The following RFTN1 variants were observed in gnomAD, a reference collection of about 807,000 sequenced individuals.
The protein encoded by RFTN1 is raftlin, lipid raft linker 1, also known as raftlin.
A neutral mutation model predicts 46.5 loss-of-function variants in RFTN1; 26 were observed. That is an observed-to-expected ratio of 0.56 (90% CI 0.41 to 0.78). RFTN1 has a LOEUF of 0.78. RFTN1 is among the 30% of genes least tolerant of loss of function. The pLI is 0.00. For missense variants in RFTN1, 693 were observed against 718.7 expected, an observed-to-expected ratio of 0.96 and a Z score of 0.41; for synonymous variants, 261 against 284.2, an observed-to-expected ratio of 0.92 and a Z score of 0.82.
chr3:16,368,087 C>CTGT (rs1278128309), intron 6 of RFTN1, among the ~76,000 whole-genome samples: 1 of 152,050 alleles, frequency 6.6e-6, no homozygotes, highest in African/African-American at 2.4e-5. Context: ...AAAGGAGCCA[C>CTGT]TGTTGCCACA....
At position 16,433,895 on chromosome 3, in the gene RFTN1, G is replaced by A. The variant is rs1575284267; in HGVS notation, c.288C>T (p.Pro96=). 6.2e-7 allele frequency: 1 copy of A among 1,614,168 alleles called. No homozygotes were observed. Among genetic ancestry groups the A allele is most frequent in the African/African-American group, 1.3e-5 (1 of 75,040 alleles). ...GGATGGCTCTAAAGATGTGCTCCAG[G>A]GGCGTCTTCTCCCGCTCATGGGTGG... is the stretch of plus-strand genomic sequence containing the variant. ...VQPTHEREKT[P]LEHIFRAILI... The change falls in exon 3 of 10, where the codon CCC becomes CCT. Residue 96 remains proline, a synonymous_variant. Coordinates refer to ENST00000334133, the MANE Select transcript of RFTN1 (RefSeq NM_015150.2). This position sits in a 1 kb window ranked among gnomAD's most constrained non-coding sequence, Gnocchi z 4.4.
At position 16,484,886 on chromosome 3, in the gene RFTN1, C is replaced by G. The variant is rs1373114380; in HGVS notation, c.145+8839G>C. Reference sequence around the variant, plus strand: ...TTATTCTTCTATACCGTGGGGGTGACTCCACCTACCTCATAAGATTGTTGT... The same window carrying G: ...TTATTCTTCTATACCGTGGGGGTGAGTCCACCTACCTCATAAGATTGTTGT... On this transcript the variant is annotated intron_variant, in intron 2 of 9. Transcript: ENST00000334133. The surrounding 1 kb of genome is among the most constrained non-coding windows in gnomAD (Gnocchi z 4.6). 6.6e-6 allele frequency: 1 copy of G among 152,218 alleles called. No individual in the cohort carries two copies. Among genetic ancestry groups the G allele is most frequent in the Non-Finnish European group, 1.5e-5 (1 of 68,040 alleles). 9.4% of individuals were successfully genotyped at this position (152,218 alleles called of 1,614,324 possible).
rs138362770 is a variant in RFTN1 at position 16,326,768 on chromosome 3, G to T, written c.1250+5C>A. ...TAGAATCCTAATGATTACTGTTATT[G>T]TTACCTGGTAGTCTTGACGACGGGA... On this transcript the variant is annotated splice_donor_5th_base_variant and intron_variant, in intron 8 of 9. Transcript: ENST00000334133. The T allele has an allele frequency of 2.4e-4, 385 of 1,609,046 alleles. 1 individual carries two copies. In the East Asian group the frequency reaches 7.0e-3, roughly 29 times the overall value.
chr3:16,358,796 C>T (rs899342455), intron 6 of RFTN1, among the ~76,000 whole-genome samples: 8 of 151,928 alleles, frequency 5.3e-5, no homozygotes, highest in Admixed American at 1.3e-4. Flanking sequence ...ACTTTGGGAG[C>T]CAAGGCAGGA....
intron 1 of RFTN1, among the ~76,000 whole-genome samples, chr3:16,502,740 T>C (rs1302161317): frequency 9.2e-5 from 14 of 152,198 alleles, no homozygotes; most frequent in Admixed American, 9.2e-4. Flanking sequence ...TGGAAGTAGA[T>C]CCTACAGCCT....
chr3:16,377,573 G>T, intron 5 of RFTN1, 145 bp downstream of exon 5: 1 of 1,318,318 alleles, frequency 7.6e-7, no homozygotes, highest in Non-Finnish European at 1.0e-6. Context: ...ACAGATAACT[G>T]CTTGATAAAG....
chr3:16,392,299 T>C (rs1170419696), intron 4 of RFTN1, among the ~76,000 whole-genome samples: 3 of 152,152 alleles, frequency 2.0e-5, no homozygotes, highest in South Asian at 2.1e-4. Context: ...CAGGGGAAGA[T>C]ACAGCAGGCA....
rs3054539 is a variant in RFTN1, at chr3:16,387,570, T to TTCTCTCTCTC, written c.442-9478_442-9469dup. ...CACTTCTCTCTTCTATATCCTCAAT[T>TTCTCTCTCTC]TCTCTCTCTCTCTCTCTCTCTCTCT... is the stretch of plus-strand genomic sequence containing the variant. On this transcript the variant is annotated intron_variant, in intron 4 of 9. Transcript: ENST00000334133. This position sits in a 1 kb window ranked among gnomAD's most constrained non-coding sequence, Gnocchi z 5.2. 0.034 allele frequency among the ~76,000 whole-genome samples: 3,993 copies of TTCTCTCTCTC among 116,340 alleles called. 244 individuals are homozygous for TTCTCTCTCTC. Among genetic ancestry groups the TTCTCTCTCTC allele is most frequent in the East Asian group, 0.05 (214 of 4,270 alleles). The allele number at this position is 116,340 out of a possible 152,430, so 76.3% of individuals were successfully genotyped here. A position where few individuals can be genotyped will look rare whatever the true frequency, so the allele number is the denominator to read the frequency against.
chr3:16,321,595 C>G lies in RFTN1; in HGVS notation c.1332+1781G>C, dbSNP rs375862771. Among the ~76,000 whole-genome samples the G allele has an allele frequency of 6.6e-6, 1 of 152,164 alleles. No homozygotes were observed. Among genetic ancestry groups the G allele is most frequent in the African/African-American group, 2.4e-5 (1 of 41,416 alleles). ...AGGAGTCTGGCTGTGAAGCCCCCCT[C>G]TCTGGAGGACTCCCATCTGTGAGGT... On this transcript the variant is annotated intron_variant, in intron 9 of 9. Transcript: ENST00000334133. The surrounding 1 kb of genome is among the most constrained non-coding windows in gnomAD (Gnocchi z 4.8).
At chr3:16,415,418 T>C (rs1234583913) in intron 3 of RFTN1, among the ~76,000 whole-genome samples, 1 of 96,764 alleles carries the variant, frequency 1.0e-5, no homozygotes, top group African/African-American at 2.9e-5. Context: ...AGTATATATA[T>C]ATATATATAT....
chr3:16,438,430 CAAAA>C (rs1000370682), intron 2 of RFTN1, among the ~76,000 whole-genome samples: 2 of 151,354 alleles, frequency 1.3e-5, no homozygotes, highest in African/African-American at 4.9e-5. Context: ...ACCCAAAATA[CAAAA>C]ATTAGCTGCG....
chr3:16,359,476 A>C (rs972237215), intron 6 of RFTN1, among the ~76,000 whole-genome samples: 2 of 152,184 alleles, frequency 1.3e-5, no homozygotes, highest in Non-Finnish European at 2.9e-5. Flanking sequence ...GCCTTAGTCT[A>C]ATAGGACTGG....
chr3:16,508,388 A>T (rs1476472549), intron 1 of RFTN1, among the ~76,000 whole-genome samples: 1 of 152,112 alleles, frequency 6.6e-6, no homozygotes, highest in Non-Finnish European at 1.5e-5. Flanking sequence ...GCAGAATGTC[A>T]CCTGATTTTC....
intron 9 of RFTN1, among the ~76,000 whole-genome samples, chr3:16,323,104 A>C (rs544537458): frequency 6.6e-6 from 1 of 152,274 alleles, no homozygotes; most frequent in South Asian, 2.1e-4. Flanking sequence ...CCTAGTGGGA[A>C]TATCTAGCAG....
chr3:16,371,987 A>G (rs1376014298), intron 5 of RFTN1, among the ~76,000 whole-genome samples: 1 of 152,156 alleles, frequency 6.6e-6, no homozygotes, highest in African/African-American at 2.4e-5. Flanking sequence ...GGTGAACTAG[A>G]TGATTGGGTG....
Position 16,413,902 on chromosome 3 carries a change from T to A in RFTN1, c.333-4419A>T, listed in dbSNP as rs1418052687. 1.3e-5 allele frequency among the ~76,000 whole-genome samples: 2 copies of A among 152,194 alleles called. No homozygotes were observed. Among genetic ancestry groups the A allele is most frequent in the Non-Finnish European group, 2.9e-5 (2 of 68,034 alleles). On this transcript the variant is annotated intron_variant, in intron 3 of 9. Transcript: ENST00000334133. The surrounding 1 kb of genome is among the most constrained non-coding windows in gnomAD (Gnocchi z 4.7). ...GGCAATTTACTTAAACTTTCTGTGC[T>A]TCAGTTTCTTTCACTAATGAATGGG...
At chr3:16,362,524 G>T (rs567393743) in intron 6 of RFTN1, among the ~76,000 whole-genome samples, 1 of 152,234 alleles carries the variant, frequency 6.6e-6, no homozygotes, top group South Asian at 2.1e-4. Context: ...TATCACAATA[G>T]GGATGCCCTA....
rs566454683 is a variant in RFTN1 at position 16,446,753 on chromosome 3, G to A, written c.146-12716C>T. 5.0e-4 allele frequency among the ~76,000 whole-genome samples: 76 copies of A among 152,194 alleles called. 1 individual carries two copies. Among genetic ancestry groups the A allele is most frequent in the Non-Finnish European group, 7.9e-4 (54 of 68,010 alleles). On this transcript the variant is annotated intron_variant, in intron 2 of 9. Transcript: ENST00000334133. This position sits in a 1 kb window ranked among gnomAD's most constrained non-coding sequence, Gnocchi z 4.5. ...AAACAAGAGATTTCCCAAAAAGTGCGGTACCCGAGGGTATGAGCACACTTG... is the reference window on the plus strand; with the variant it reads ...AAACAAGAGATTTCCCAAAAAGTGCAGTACCCGAGGGTATGAGCACACTTG...
intron 4 of RFTN1, among the ~76,000 whole-genome samples, chr3:16,388,332 A>G (rs1471160866): frequency 6.6e-6 from 1 of 152,208 alleles, no homozygotes; most frequent in East Asian, 1.9e-4. Context: ...TGTTCCTGGT[A>G]CACAGTAAGT....
Sources: gnomAD v4.1 joint callset for allele counts (sites outside exome capture counted in the v4.1 genomes callset) on GRCh38, gnomAD v4.1.1 for gene constraint, Gnocchi (gnomAD v3.1) non-coding constraint, MANE v1.5 for transcripts, NCBI Gene and HGNC (gene_info 2026-07-23, HGNC 2026-07-21) for gene names.